PRKDC: variants seen among roughly 807,000 people sequenced by gnomAD.
PRKDC encodes the protein DNA-dependent protein kinase catalytic subunit.
A neutral mutation model predicts 486.9 loss-of-function variants in PRKDC; 82 were observed. The ratio of observed to expected loss-of-function variants is 0.17; its 90% CI spans 0.14 to 0.20. The LOEUF is 0.20. Among genes scored for constraint, PRKDC ranks in the 10% least tolerant of loss-of-function variants. The probability of loss-of-function intolerance (pLI) is 1.00; values close to 1 mark genes in which losing one functional copy is unlikely to be tolerated. For missense variants in PRKDC, 4,504 were observed against 5,038.2 expected (o/e 0.89, Z 3.21); for synonymous variants, 1,895 against 1,837.0 (o/e 1.03, Z -0.81).
chr8:47,894,308 T>C (rs2089530568), intron 30 of PRKDC, among the ~76,000 whole-genome samples: 1 of 152,156 alleles, frequency 6.6e-6, no homozygotes, highest in African/African-American at 2.4e-5. Flanking sequence ...ACATTTTGTA[T>C]ATTAAGAGGA....
chr8:47,809,209 T>TTTTCCTC (rs1353827469), intron 68 of PRKDC, among the ~76,000 whole-genome samples: 1 of 151,738 alleles, frequency 6.6e-6, no homozygotes, highest in Non-Finnish European at 1.5e-5. Context: ...TCTTTTTCCT[T>TTTTCCTC]TTTCCTCTTT....
At chr8:47,866,400 C>T (rs2088818036) in intron 40 of PRKDC, among the ~76,000 whole-genome samples, 1 of 152,260 alleles carries the variant, frequency 6.6e-6, no homozygotes, top group South Asian at 2.1e-4. Flanking sequence ...ATAACACAGG[C>T]ACCATCCTAG....
rs201886203 is a variant in PRKDC at position 47,888,531 on chromosome 8, A to G, written c.4400T>C (p.Ile1467Thr). ...AGTTATAGTTACCTGAGACGGTAAT[A>G]TATTATGCAGAAGCCCAGCTCTGTG... ...QLHRAGLLHN[I>T]LPSQSTDLHH... The change falls in exon 34 of 86, where the codon ATA becomes ACA. Residue 1467 changes from isoleucine to threonine, a missense_variant. Around this residue, in one of 6 missense-constraint regions of PRKDC, gnomAD observed 1,969 missense variants for 2,068.9 expected, o/e 0.95. Transcript: ENST00000314191. 1 of 1,565,630 alleles carries G rather than the reference A, an allele frequency of 6.4e-7. No homozygotes were observed. The highest frequency in any genetic ancestry group is 8.7e-7 in the Non-Finnish European group (1 of 1,154,640).
intron 74 of PRKDC, among the ~76,000 whole-genome samples, chr8:47,791,922 G>A (rs1029439014): frequency 2.6e-5 from 4 of 152,036 alleles, no homozygotes; most frequent in Non-Finnish European, 5.9e-5. Context: ...TATTCACAAC[G>A]GCCAAAATTT....
At chr8:47,854,837 G>A (rs1253438151) in intron 50 of PRKDC, among the ~76,000 whole-genome samples, 3 of 152,054 alleles carry the variant, frequency 2.0e-5, no homozygotes, top group African/African-American at 2.4e-5. Flanking sequence ...TATCGCCCTC[G>A]TATTTTAATT....
rs1301140170 is a variant in PRKDC, at chr8:47,929,145, C to T, written c.2086G>A (p.Glu696Lys). The change falls in exon 19 of 86, where the codon GAA (glutamate) becomes AAA (lysine). Residue 696 changes from glutamate (E) to lysine (K), a missense_variant. Physicochemically the swap from Glu to Lys is moderately conservative, Grantham distance 56. Around this residue, in one of 6 missense-constraint regions of PRKDC, gnomAD observed 1,969 missense variants for 2,068.9 expected, o/e 0.95. Coordinates refer to ENST00000314191, the MANE Select transcript of PRKDC (RefSeq NM_006904.7). The stretch of plus-strand genomic sequence containing the variant: ...AAGCAAGAATACTTTTCTGGGTCTT[C>T]AGGAGAGTGTTTCAGACTCTTTGGA... ...VSPKSLKHSP[E>K]DPEKYSCFAL... 6.3e-7 allele frequency: 1 copy of T among 1,579,690 alleles called. No individual in the cohort carries two copies. The highest frequency in any genetic ancestry group is 8.6e-7 in the Non-Finnish European group (1 of 1,160,994).
chr8:47,901,797 T>C (rs893436382), intron 27 of PRKDC, among the ~76,000 whole-genome samples: 4 of 152,190 alleles, frequency 2.6e-5, no homozygotes, highest in African/African-American at 9.6e-5. Context: ...GTGCAGGATG[T>C]GAGGTTACAC....
chr8:47,785,756 G>C (rs756977170), intron 76 of PRKDC, among the ~76,000 whole-genome samples: 3 of 148,938 alleles, frequency 2.0e-5, no homozygotes, highest in Non-Finnish European at 4.5e-5. Context: ...AAAAATTATA[G>C]TTTTGCTTTC....
intron 27 of PRKDC, 149 bp from the exon 28 acceptor site, chr8:47,900,616 C>T (rs1421528798): frequency 7.1e-6 from 4 of 564,252 alleles, no homozygotes; most frequent in African/African-American, 1.9e-5. Context: ...AATCCCAGCA[C>T]TTTGGGAGGC....
intron 74 of PRKDC, among the ~76,000 whole-genome samples, chr8:47,793,539 C>G (rs374060189): frequency 4.2e-4 from 64 of 151,814 alleles, no homozygotes; most frequent in African/African-American, 1.5e-3. Context: ...ACTCAGGAGG[C>G]TGAGGCAGGG....
At chr8:47,832,039 A>AGCGAC in intron 59 of PRKDC, 113 bp from the exon 60 acceptor site, 1 of 878,352 alleles carries the variant, frequency 1.1e-6, no homozygotes, top group Non-Finnish European at 1.8e-6. Context: ...CCGCAGAGGC[A>AGCGAC]GCGACCGGGA....
chr8:47,893,528 C>A, intron 30 of PRKDC, 141 bp from the exon 31 acceptor site: 1 of 865,904 alleles, frequency 1.2e-6, no homozygotes, highest in African/African-American at 1.7e-5. Flanking sequence ...GTAATTACTT[C>A]CAAGAAGGTA....
At chr8:47,859,804 T>C in intron 45 of PRKDC, 45 bp from the exon 46 acceptor site, 1 of 1,510,780 alleles carries the variant, frequency 6.6e-7, no homozygotes, top group Non-Finnish European at 9.1e-7. Context: ...CAAACATAAT[T>C]AGTAAGAAAT....
At chr8:47,934,559 G>T (rs2090315291) in intron 14 of PRKDC, among the ~76,000 whole-genome samples, 1 of 151,694 alleles carries the variant, frequency 6.6e-6, no homozygotes, top group Non-Finnish European at 1.5e-5. Flanking sequence ...TAAATAAATA[G>T]ATAACGGAAA....
At chr8:47,904,336 C>G (rs1313846030) in intron 26 of PRKDC, among the ~76,000 whole-genome samples, 1 of 152,180 alleles carries the variant, frequency 6.6e-6, no homozygotes, top group Non-Finnish European at 1.5e-5. Flanking sequence ...CTCACTGCAA[C>G]CTTTGTCTCC....
In PRKDC at chr8:47,842,200, C is replaced by T. The variant is rs143344702; in HGVS notation, c.7281-2011G>A. On this transcript the variant is annotated intron_variant, in intron 54 of 85. Coordinates refer to ENST00000314191, the MANE Select transcript of PRKDC (RefSeq NM_006904.7). The stretch of plus-strand genomic sequence containing the variant: ...GGGTTCAGGAAATGTGGGTATGGTG[C>T]CAGTGATTGGAAGGGGCTCCTCTAA... Among the ~76,000 whole-genome samples the T allele has an allele frequency of 4.6e-5, 7 of 152,172 alleles. No homozygotes were observed. In the East Asian group the frequency reaches 1.2e-3, roughly 25 times the overall value.
intron 58 of PRKDC, among the ~76,000 whole-genome samples, 170 bp downstream of exon 58, chr8:47,836,168 G>A (rs930073098): frequency 5.3e-5 from 8 of 152,172 alleles, no homozygotes; most frequent in Non-Finnish European, 7.4e-5. Context: ...GTTTCCATGA[G>A]TTTGACTGTT....
Position 47,849,491 on chromosome 8 carries a change from A to G in PRKDC, c.7018T>C (p.Ser2340Pro), listed in dbSNP as rs755612237. The G allele has an allele frequency of 1.2e-6, 2 of 1,612,910 alleles. No homozygotes were observed. The highest frequency in any genetic ancestry group is 1.1e-5 in the South Asian group (1 of 90,756). The change falls in exon 53 of 86, where the codon TCT becomes CCT. Residue 2340 changes from serine to proline, a missense_variant. This residue lies in a region of PRKDC where 1,592 missense variants were observed against 1,724.6 expected (regional missense o/e 0.92). Coordinates refer to ENST00000314191, the MANE Select transcript of PRKDC (RefSeq NM_006904.7). Reference sequence around the variant, plus strand: ...TGTTTCGCAACCAGTTCACACAGAGACTCCTCCAGTATCTGAAAAATTAAG... The same window carrying G: ...TGTTTCGCAACCAGTTCACACAGAGGCTCCTCCAGTATCTGAAAAATTAAG... ...VMERKNILEE[S>P]LCELVAKQLK...
chr8:47,939,340 A>T (rs1052887131), intron 11 of PRKDC, among the ~76,000 whole-genome samples: 1 of 152,224 alleles, frequency 6.6e-6, no homozygotes, highest in South Asian at 2.1e-4. Flanking sequence ...AGCCCTCTAT[A>T]TAAGTTTCAC....
Sources: gnomAD v4.1 joint callset for allele counts (sites outside exome capture counted in the v4.1 genomes callset) on GRCh38, gnomAD v4.1.1 for gene constraint, gnomAD v4.1.1 regional missense constraint, MANE v1.5 for transcripts, NCBI Gene and HGNC (gene_info 2026-07-23, HGNC 2026-07-21) for gene names.